ANKRD31: variants seen among roughly 807,000 people sequenced by gnomAD.
The protein encoded by ANKRD31 is ankyrin repeat domain-containing protein 31.
Under a neutral mutation model 186.0 loss-of-function variants are expected in ANKRD31, and 147 were observed. The ratio of observed to expected loss-of-function variants is 0.79; its 90% CI spans 0.69 to 0.91. The LOEUF is 0.91. Ranked by LOEUF, ANKRD31 falls within the 40% of genes least tolerant of loss-of-function variation. The pLI is 0.00. For missense variants in ANKRD31, 1,986 were observed against 2,148.8 expected (o/e 0.92, Z 1.50); for synonymous variants, 673 against 736.4 (o/e 0.91, Z 1.39).
intron 17 of ANKRD31, among the ~76,000 whole-genome samples, chr5:75,133,301 A>G (rs2150115407): frequency 6.6e-6 from 1 of 152,314 alleles, no homozygotes; most frequent in Middle Eastern, 3.4e-3. Flanking sequence ...GCTCAAAATA[A>G]AAGGATGGAG....
chr5:75,106,423 T>C (rs984808887), intron 21 of ANKRD31, among the ~76,000 whole-genome samples: 2 of 152,040 alleles, frequency 1.3e-5, no homozygotes, highest in Non-Finnish European at 2.9e-5. Flanking sequence ...AGAAGTAGTA[T>C]ACATAAGTGA....
intron 7 of ANKRD31, among the ~76,000 whole-genome samples, chr5:75,194,163 T>G (rs981408602): frequency 6.6e-6 from 1 of 152,174 alleles, no homozygotes; most frequent in Non-Finnish European, 1.5e-5. Context: ...TTCAGCTTAC[T>G]TACATATCCG....
At chr5:75,135,773 A>G (rs1223169096) in intron 17 of ANKRD31, among the ~76,000 whole-genome samples, 1 of 152,220 alleles carries the variant, frequency 6.6e-6, no homozygotes. Context: ...ACTATACAAC[A>G]AGGCTACAGT....
intron 3 of ANKRD31, among the ~76,000 whole-genome samples, chr5:75,220,507 T>C (rs1164645917): frequency 2.0e-5 from 3 of 151,940 alleles, no homozygotes; most frequent in Non-Finnish European, 2.9e-5. Flanking sequence ...CCGAGCATGA[T>C]GGTGCATGCC....
chr5:75,142,475 T>C (rs1305908498), intron 15 of ANKRD31, among the ~76,000 whole-genome samples: 1 of 152,134 alleles, frequency 6.6e-6, no homozygotes, highest in Admixed American at 6.6e-5. Flanking sequence ...AAGCTCTGTA[T>C]TGTTCTCTTA....
intron 10 of ANKRD31, among the ~76,000 whole-genome samples, chr5:75,172,970 T>C (rs533854651): frequency 6.6e-6 from 1 of 152,250 alleles, no homozygotes; most frequent in Non-Finnish European, 1.5e-5. Context: ...CTGATGAACA[T>C]TGATGCAAAA....
intron 23 of ANKRD31, among the ~76,000 whole-genome samples, chr5:75,087,989 G>A (rs1416920711): frequency 6.6e-6 from 1 of 152,054 alleles, no homozygotes. Flanking sequence ...CAAAACTCCT[G>A]GATATTTGTA....
Position 75,104,856 on chromosome 5 carries a change from T to C in ANKRD31, c.4703A>G (p.Glu1568Gly), listed in dbSNP as rs1458180417. The C allele has an allele frequency of 6.5e-7, 1 of 1,537,172 alleles. No homozygotes were observed. The highest frequency in any genetic ancestry group is 1.4e-5 in the African/African-American group (1 of 73,164). ...CLNSEAVRRG[E>G]FSGNDMNSKQ... ...AGAATTCATATCATTTCCAGAAAAT[T>C]CTCCCCTTCTCACTGCCTCTGAATT... Residue 1568 changes from glutamate to glycine, a missense_variant, in exon 22 of 26, where the codon GAA becomes GGA. Transcript: ENST00000506364.
intron 4 of ANKRD31, among the ~76,000 whole-genome samples, chr5:75,206,713 G>A (rs930556120): frequency 4.9e-4 from 75 of 152,096 alleles, no homozygotes; most frequent in African/African-American, 1.8e-3. Flanking sequence ...TAAATGACCT[G>A]AGGAGTGTAT....
chr5:75,178,480 G>A (rs1754004408), intron 10 of ANKRD31, among the ~76,000 whole-genome samples: 1 of 152,052 alleles, frequency 6.6e-6, no homozygotes, highest in Admixed American at 6.6e-5. Flanking sequence ...CCACATAGTT[G>A]GAAGTAAAGC....
chr5:75,129,325 C>T (rs574627701), intron 17 of ANKRD31, among the ~76,000 whole-genome samples: 6 of 152,296 alleles, frequency 3.9e-5, no homozygotes, highest in African/African-American at 1.4e-4. Flanking sequence ...CACCCAGCCT[C>T]AGGTAGTTTT....
chr5:75,120,994 C>T (rs1748723824), intron 17 of ANKRD31, among the ~76,000 whole-genome samples: 2 of 151,952 alleles, frequency 1.3e-5, no homozygotes, highest in African/African-American at 4.8e-5. Flanking sequence ...ACCAGCCTGA[C>T]CAACATGGTA....
chr5:75,129,566 T>C (rs567338011), intron 17 of ANKRD31, among the ~76,000 whole-genome samples: 2 of 152,316 alleles, frequency 1.3e-5, no homozygotes, highest in Admixed American at 6.5e-5. Flanking sequence ...TATCTAGAGA[T>C]AGATAAATAG....
At chr5:75,170,375 A>C (rs550695323) in intron 10 of ANKRD31, among the ~76,000 whole-genome samples, 1 of 152,306 alleles carries the variant, frequency 6.6e-6, no homozygotes, top group African/African-American at 2.4e-5. Flanking sequence ...GTAAAATGGC[A>C]GACCTAAATC....
At chr5:75,195,532 T>A in intron 7 of ANKRD31, 99 bp downstream of exon 7, 1 of 1,046,946 alleles carries the variant, frequency 9.6e-7, no homozygotes, top group East Asian at 2.6e-5. Context: ...GACTCATATT[T>A]TCAGCTACTT....
intron 24 of ANKRD31, 138 bp downstream of exon 24, chr5:75,084,134 G>T (rs1446062951): frequency 1.5e-5 from 10 of 668,152 alleles, no homozygotes; most frequent in Non-Finnish European, 2.3e-5. Flanking sequence ...CCACTGAATT[G>T]TTCACCTTGA....
chr5:75,113,440 A>C (rs1747939760), intron 19 of ANKRD31, among the ~76,000 whole-genome samples: 1 of 152,202 alleles, frequency 6.6e-6, no homozygotes, highest in Non-Finnish European at 1.5e-5. Flanking sequence ...CTAACATAAT[A>C]ATGTCTTGTA....
chr5:75,109,555 A>C (rs1747600301), intron 20 of ANKRD31, among the ~76,000 whole-genome samples: 1 of 152,186 alleles, frequency 6.6e-6, no homozygotes, highest in Admixed American at 6.5e-5. Flanking sequence ...AGTTCCTCAA[A>C]AGATTATTTA....
At chr5:75,187,110 T>G (rs1374740282) in intron 10 of ANKRD31, among the ~76,000 whole-genome samples, 8 of 116,178 alleles carry the variant, frequency 6.9e-5, no homozygotes, top group African/African-American at 2.1e-4. Context: ...TGATTCTGTT[T>G]TGTGTGTGTG....
Sources: allele counts gnomAD v4.1 joint callset (sites outside exome capture counted in the v4.1 genomes callset), GRCh38; gene constraint gnomAD v4.1.1; transcripts MANE v1.5; gene names NCBI Gene and HGNC (gene_info 2026-07-23, HGNC 2026-07-21).